SSR2: variants seen among roughly 807,000 people sequenced by gnomAD.
SSR2 encodes the protein translocon-associated protein subunit beta.
Under a neutral mutation model 22.6 loss-of-function variants are expected in SSR2, and 16 were observed. That is an observed-to-expected ratio of 0.71 (90% confidence interval 0.48 to 1.08). The LOEUF is 1.08. Ranked by LOEUF, SSR2 falls within the 50% of genes least tolerant of loss-of-function variation. The probability of loss-of-function intolerance (pLI) is 0.00; values close to 1 mark genes in which losing one functional copy is unlikely to be tolerated. For missense variants in SSR2, 171 were observed against 221.6 expected (o/e 0.77, Z 1.45); for synonymous variants, 83 against 91.2 (o/e 0.91, Z 0.51).
chr1:156,015,595 TAAAA>T (rs1195885002), intron 3 of SSR2, among the ~76,000 whole-genome samples: 1 of 125,668 alleles, frequency 8.0e-6, no homozygotes, highest in African/African-American at 3.0e-5. Context: ...TTTTAAATAT[TAAAA>T]AAAAAAGAGA....
chr1:156,012,743 T>C (rs1020591910), intron 4 of SSR2: 1 of 317,206 alleles, frequency 3.2e-6, no homozygotes, highest in Non-Finnish European at 6.4e-6. Context: ...ACAGCCCTAC[T>C]GGTATGGAGG....
At chr1:156,019,952 C>G in intron 2 of SSR2, 61 bp downstream of exon 2, 13 of 1,570,484 alleles carry the variant, frequency 8.3e-6, no homozygotes, top group Non-Finnish European at 1.1e-5. Context: ...CTCCCTATTC[C>G]CATCTGAAAA....
chr1:156,011,876 G>A lies in SSR2; in HGVS notation c.375C>T (p.Thr125=), dbSNP rs1682982757. Residue 125 remains threonine, a synonymous_variant, in exon 5 of 6, where the codon ACC becomes ACT. Coordinates refer to ENST00000295702, the MANE Select transcript of SSR2 (RefSeq NM_003145.4). The part of the protein sequence containing the change: ...QEDGPVVIGS[T]SAPGQGGILA... Reference sequence around the variant, plus strand: ...GGATTCCTCCCTGTCCAGGTGCACTGGTAGAGCCAATCTGAAAAGAAGAAA... The same window carrying A: ...GGATTCCTCCCTGTCCAGGTGCACTAGTAGAGCCAATCTGAAAAGAAGAAA... 1.2e-6 allele frequency: 2 copies of A among 1,613,494 alleles called. No homozygotes were observed.
rs772729415 is a variant in SSR2 at position 156,018,233 on chromosome 1, C to T, written c.254+37G>A. ...TGCTTTGCAGGCAAGGCTCTCCCTG[C>T]CCCCCGACCCTTCATCACCAAGTGC... On this transcript the variant is annotated intron_variant, in intron 3 of 5. Coordinates refer to ENST00000295702, the MANE Select transcript of SSR2 (RefSeq NM_003145.4). 1.1e-5 allele frequency: 17 copies of T among 1,539,918 alleles called. 1 individual carries two copies. The Admixed American group carries it at 2.7e-4, about 24-fold the overall frequency.
chr1:156,009,804 C>T (rs1427663237), intron 5 of SSR2, among the ~76,000 whole-genome samples, 154 bp from the exon 6 acceptor site: 5 of 152,006 alleles, frequency 3.3e-5, no homozygotes. Flanking sequence ...GACGGAGTCT[C>T]GCCCTGTCAC....
intron 1 of SSR2, chr1:156,020,536 G>T: frequency 3.3e-6 from 1 of 307,240 alleles, no homozygotes. Context: ...CCCTCACACA[G>T]GAGTGCCCAC....
At chr1:156,015,917 G>A (rs61491378) in intron 3 of SSR2, among the ~76,000 whole-genome samples, 11 of 152,030 alleles carry the variant, frequency 7.2e-5, no homozygotes, top group Admixed American at 1.3e-4. Context: ...TTGGGAGGCC[G>A]AAGTGGTTGG....
intron 3 of SSR2, among the ~76,000 whole-genome samples, chr1:156,017,245 C>T (rs879577605): frequency 1.2e-4 from 18 of 152,174 alleles, no homozygotes; most frequent in Admixed American, 7.9e-4. Flanking sequence ...AGAAAAATAC[C>T]ATCTAATTCA....
chr1:156,020,137 G>A lies in SSR2; in HGVS notation c.31C>T (p.Leu11=), dbSNP rs146742067. The A allele has an allele frequency of 3.0e-5, 49 of 1,614,086 alleles. No homozygotes were observed. The African/African-American group carries it at 5.9e-4, about 19-fold the overall frequency. ...TCCTCTGCTTGAGTGACAGCAAATA[G>A]AGCCAACACCACAAATGACAGCAGC... MRLLSFVVLA[L]FAVTQAEEGA... Residue 11 remains leucine (L), a synonymous_variant, in exon 2 of 6, where the codon CTA becomes TTA. Transcript: ENST00000295702.
rs1415249934 is a variant in SSR2, at chr1:156,020,889, G to A, written c.-2C>T. ...GACGCCCTAAGCCTCCGGACTTACC[G>A]TTGGCATCCCAAACGCCTTTCCGGA... On this transcript the variant is annotated splice_region_variant and 5_prime_UTR_variant, in exon 1 of 6. The change creates a new upstream start codon in the 5' untranslated region. Coordinates refer to ENST00000295702, the MANE Select transcript of SSR2 (RefSeq NM_003145.4). 2 of 471,152 alleles carry A rather than the reference G, an allele frequency of 4.2e-6. No individual in the cohort carries two copies. Among genetic ancestry groups the A allele is most frequent in the Non-Finnish European group, 8.8e-6 (2 of 226,978 alleles). 29.2% of individuals were successfully genotyped at this position (471,152 alleles called of 1,614,324 possible).
chr1:156,009,454 G>A lies in SSR2; in HGVS notation c.*86C>T. The A allele has an allele frequency of 1.9e-6, 2 of 1,031,450 alleles. No homozygotes were observed. Among genetic ancestry groups the A allele is most frequent in the Admixed American group, 1.9e-5 (1 of 53,422 alleles). The allele number at this position is 1,031,450 out of a possible 1,614,324, so 63.9% of individuals were successfully genotyped here. A position where few individuals can be genotyped will look rare whatever the true frequency, so the allele number is the denominator to read the frequency against. On this transcript the variant is annotated 3_prime_UTR_variant, in exon 6 of 6. Transcript: ENST00000295702. ...CTAAGAGAGAAGAGATTGCATTTAA[G>A]ATACCCTTTGGAGTCTGGAAAGCAC...
intron 2 of SSR2, among the ~76,000 whole-genome samples, chr1:156,019,436 T>G (rs1009218179): frequency 3.3e-5 from 5 of 151,642 alleles, no homozygotes; most frequent in Non-Finnish European, 7.4e-5. Flanking sequence ...CAGGCTGGAG[T>G]GCAGTGGCGC....
chr1:156,016,099 C>T (rs989964657), intron 3 of SSR2, among the ~76,000 whole-genome samples: 8 of 151,738 alleles, frequency 5.3e-5, no homozygotes, highest in Non-Finnish European at 1.2e-4. Flanking sequence ...TGCAGTGAGC[C>T]GAGATTGCAC....
chr1:156,013,551 A>G (rs1482261829), intron 4 of SSR2: 1 of 153,664 alleles, frequency 6.5e-6, no homozygotes. Flanking sequence ...CTTCAGATAT[A>G]ATGGAGTGGA....
chr1:156,017,745 T>TTG (rs1683079616), intron 3 of SSR2, among the ~76,000 whole-genome samples: 1 of 111,082 alleles, frequency 9.0e-6, no homozygotes, highest in Admixed American at 9.4e-5. Context: ...TCAGGTTTTT[T>TTG]TTTTTTTTTT....
Position 156,015,013 on chromosome 1 carries a change from T to C in SSR2, c.311A>G (p.Asn104Ser), listed in dbSNP as rs762299406. 4 of 1,613,856 alleles carry C rather than the reference T, an allele frequency of 2.5e-6. No homozygotes were observed. The highest frequency in any genetic ancestry group is 3.4e-6 in the Non-Finnish European group (4 of 1,179,938). Residue 104 changes from asparagine to serine, a missense_variant, in exon 4 of 6, where the codon AAC becomes AGC. Physicochemically the swap from Asn to Ser is conservative, Grantham distance 46. Coordinates refer to ENST00000295702, the MANE Select transcript of SSR2 (RefSeq NM_003145.4). ...GTAAGTAATTGTTGCCGAGGTGAAGTTGAAATAACCAGCCTTGAGAGGGCG... is the reference window on the plus strand; with the variant it reads ...GTAAGTAATTGTTGCCGAGGTGAAGCTGAAATAACCAGCCTTGAGAGGGCG... ...VLRPLKAGYF[N>S]FTSATITYLA...
At chr1:156,020,250 G>T (rs778195793) in intron 1 of SSR2, 83 bp from the exon 2 acceptor site, 7 of 1,481,510 alleles carry the variant, frequency 4.7e-6, no homozygotes, top group Non-Finnish European at 6.4e-6. Flanking sequence ...CCCGTAGAAA[G>T]CTCCTTCGAT....
At chr1:156,015,643 G>T (rs1209877592) in intron 3 of SSR2, among the ~76,000 whole-genome samples, 1 of 143,912 alleles carries the variant, frequency 6.9e-6, no homozygotes, top group Non-Finnish European at 1.5e-5. Flanking sequence ...GCCCAGGCTG[G>T]TCTCAAAATC....
intron 1 of SSR2, 96 bp downstream of exon 1, chr1:156,020,792 T>C (rs1558079154): frequency 2.3e-6 from 1 of 439,598 alleles, no homozygotes; most frequent in African/African-American, 2.0e-5. Flanking sequence ...CCTCTGCCCT[T>C]CCCGCCCTCC....
Sources: allele counts gnomAD v4.1 joint callset (sites outside exome capture counted in the v4.1 genomes callset), GRCh38; gene constraint gnomAD v4.1.1; transcripts MANE v1.5; gene names NCBI Gene and HGNC (gene_info 2026-07-23, HGNC 2026-07-21).